Variants in GALNT13 observed in about 807,000 individuals in gnomAD.
GALNT13 encodes the protein polypeptide N-acetylgalactosaminyltransferase 13.
GALNT13 carries 28 observed loss-of-function variants against 64.2 expected under a neutral mutation model. The ratio of observed to expected loss-of-function variants is 0.44; its 90% confidence interval spans 0.32 to 0.60. The LOEUF (loss-of-function observed/expected upper bound fraction) is 0.60. Among genes scored for constraint, GALNT13 ranks in the 20% least tolerant of loss-of-function variants. GALNT13 has a pLI of 0.05. For missense variants in GALNT13, 577 were observed against 669.8 expected (o/e 0.86, Z 1.53); for synonymous variants, 214 against 224.6 (o/e 0.95, Z 0.42).
chr2:154,206,858 C>T (rs1687487969), intron 4 of GALNT13, among the ~76,000 whole-genome samples: 1 of 151,646 alleles, frequency 6.6e-6, no homozygotes, highest in Non-Finnish European at 1.5e-5. Flanking sequence ...AGGTCAAGAA[C>T]ATGGTCGTTT....
At chr2:153,631,101 G>T in the GALNT13 span, among the ~76,000 whole-genome samples, 1 of 151,552 alleles carries the variant, frequency 6.6e-6, no homozygotes, top group Non-Finnish European at 1.5e-5. Context: ...GAGAATGATG[G>T]TTTCCAGCTT....
the GALNT13 span, among the ~76,000 whole-genome samples, chr2:153,287,257 C>T: frequency 1.3e-5 from 2 of 152,280 alleles, no homozygotes; most frequent in East Asian, 1.9e-4. Context: ...TGAGCATCGC[C>T]GACCCCACAG....
chr2:154,123,289 G>C (rs1488277536), intron 3 of GALNT13, among the ~76,000 whole-genome samples: 2 of 151,778 alleles, frequency 1.3e-5, no homozygotes, highest in Non-Finnish European at 2.9e-5. Context: ...GTATTTTTTT[G>C]TTCATGTGGA....
chr2:153,585,129 C>A, the GALNT13 span, among the ~76,000 whole-genome samples: 1 of 152,068 alleles, frequency 6.6e-6, no homozygotes, highest in Non-Finnish European at 1.5e-5. Flanking sequence ...TTTTAAAGAG[C>A]TTGAGGAGAT....
intron 10 of GALNT13, among the ~76,000 whole-genome samples, chr2:154,405,659 C>T (rs758062760): frequency 2.0e-5 from 3 of 151,438 alleles, no homozygotes; most frequent in Non-Finnish European, 4.4e-5. Context: ...GAAGCTGAGG[C>T]AGAGAATTGC....
the GALNT13 span, among the ~76,000 whole-genome samples, chr2:153,636,833 C>A: frequency 6.6e-6 from 1 of 151,984 alleles, no homozygotes; most frequent in African/African-American, 2.4e-5. Flanking sequence ...AAAGTAGAAT[C>A]TTTGAAGGCA....
At chr2:153,643,721 G>C in the GALNT13 span, among the ~76,000 whole-genome samples, 1 of 151,868 alleles carries the variant, frequency 6.6e-6, no homozygotes, top group Non-Finnish European at 1.5e-5. Flanking sequence ...TTCACAAACT[G>C]TTCAGAGTAT....
the GALNT13 span, among the ~76,000 whole-genome samples, chr2:153,164,036 T>C: frequency 6.9e-6 from 1 of 145,428 alleles, no homozygotes; most frequent in Non-Finnish European, 1.5e-5. Context: ...AAAAAAAAAA[T>C]GTGATCAGGC....
the GALNT13 span, among the ~76,000 whole-genome samples, chr2:153,757,895 G>T: frequency 6.6e-6 from 1 of 151,978 alleles, no homozygotes; most frequent in Non-Finnish European, 1.5e-5. Context: ...CTCCTTATTA[G>T]ATGTATGGCT....
chr2:154,058,143 G>A (rs887121168), intron 3 of GALNT13, among the ~76,000 whole-genome samples: 24 of 152,028 alleles, frequency 1.6e-4, no homozygotes, highest in Admixed American at 1.4e-3. Flanking sequence ...TAATAGGAGT[G>A]GTGTGCTTAT....
chr2:153,608,825 GAATA>G, the GALNT13 span, among the ~76,000 whole-genome samples: 2 of 144,536 alleles, frequency 1.4e-5, no homozygotes, highest in Admixed American at 1.4e-4. Flanking sequence ...ATACCCTAAA[GAATA>G]AATATATATT....
intron 7 of GALNT13, 43 bp downstream of exon 7, chr2:154,246,025 A>T (rs765655215): frequency 1.5e-6 from 2 of 1,335,506 alleles, no homozygotes; most frequent in Non-Finnish European, 2.1e-6. Flanking sequence ...TATCCCCCTA[A>T]AAATTAAGGA....
chr2:154,024,143 C>T (rs1334539558), intron 3 of GALNT13, among the ~76,000 whole-genome samples: 2 of 152,098 alleles, frequency 1.3e-5, no homozygotes, highest in African/African-American at 4.8e-5. Context: ...TCCTTCATTT[C>T]AACTTTGGTG....
the GALNT13 span, among the ~76,000 whole-genome samples, chr2:153,626,970 G>C: frequency 2.9e-4 from 44 of 152,076 alleles, 1 homozygote; most frequent in Non-Finnish European, 5.9e-4. Context: ...TATAAACAGA[G>C]GAAAATGCAC....
intron 3 of GALNT13, among the ~76,000 whole-genome samples, chr2:153,946,611 T>G (rs1691767944): frequency 6.6e-6 from 1 of 152,008 alleles, no homozygotes; most frequent in African/African-American, 2.4e-5. Flanking sequence ...CTAGGCAGAA[T>G]AGTTGAGAAA....
At chr2:153,219,170 C>T in the GALNT13 span, among the ~76,000 whole-genome samples, 1 of 152,260 alleles carries the variant, frequency 6.6e-6, no homozygotes, top group Non-Finnish European at 1.5e-5. Flanking sequence ...TATTCCTTAC[C>T]AATTTAGTCA....
chr2:154,111,242 A>G (rs1299482154), intron 3 of GALNT13, among the ~76,000 whole-genome samples: 1 of 152,198 alleles, frequency 6.6e-6, no homozygotes, highest in East Asian at 1.9e-4. Flanking sequence ...CCAAACTTTC[A>G]TTCTTGAAGG....
intron 9 of GALNT13, among the ~76,000 whole-genome samples, chr2:154,303,745 T>A (rs1029917403): frequency 6.6e-6 from 1 of 151,762 alleles, no homozygotes; most frequent in Non-Finnish European, 1.5e-5. Context: ...AGTTTAGTCC[T>A]CATAAGGAAA....
intron 4 of GALNT13, among the ~76,000 whole-genome samples, chr2:154,151,258 C>G (rs1488836880): frequency 1.3e-5 from 2 of 152,098 alleles, no homozygotes; most frequent in African/African-American, 4.8e-5. Context: ...GTTTTTTAAT[C>G]CTCAGTTCTA....
Sources: allele counts gnomAD v4.1 joint callset (sites outside exome capture counted in the v4.1 genomes callset), GRCh38; gene constraint gnomAD v4.1.1; transcripts MANE v1.5; gene names NCBI Gene and HGNC (gene_info 2026-07-23, HGNC 2026-07-21).